The following EXOC6B variants were observed in gnomAD, a reference collection of about 807,000 sequenced individuals.
EXOC6B encodes exocyst complex component 6B, also known as SEC15 homolog B.
Under a neutral mutation model 113.5 loss-of-function variants are expected in EXOC6B, and 54 were observed. That is an observed-to-expected ratio of 0.48 (90% CI 0.38 to 0.60). The LOEUF is 0.60. EXOC6B is among the 20% of genes least tolerant of loss of function. The probability of loss-of-function intolerance (pLI) is 0.00; values close to 1 mark genes in which losing one functional copy is unlikely to be tolerated. For missense variants in EXOC6B, 797 were observed against 977.5 expected (o/e 0.82, Z 2.46); for synonymous variants, 357 against 339.0 (o/e 1.05, Z -0.58).
chr2:72,814,695 A>T (rs1321683499), intron 1 of EXOC6B, among the ~76,000 whole-genome samples: 3 of 152,214 alleles, frequency 2.0e-5, no homozygotes, highest in Non-Finnish European at 4.4e-5. Context: ...CAATTTTTTA[A>T]AAAAATTATA....
At chr2:72,647,809 C>A (rs143114477) in intron 6 of EXOC6B, among the ~76,000 whole-genome samples, 1 of 152,128 alleles carries the variant, frequency 6.6e-6, no homozygotes, top group Non-Finnish European at 1.5e-5. Context: ...AAATGTTAGA[C>A]CTAAAACCAT....
At chr2:72,677,879 G>A (rs956974947) in intron 6 of EXOC6B, among the ~76,000 whole-genome samples, 2 of 152,126 alleles carry the variant, frequency 1.3e-5, no homozygotes, top group Non-Finnish European at 2.9e-5. Context: ...AATCCATGAG[G>A]AAGTTAACTA....
intron 6 of EXOC6B, among the ~76,000 whole-genome samples, chr2:72,687,640 G>C (rs1309944440): frequency 6.6e-6 from 1 of 152,112 alleles, no homozygotes; most frequent in Non-Finnish European, 1.5e-5. Context: ...GGTATCTCTG[G>C]AAGGAAAGGC....
intron 20 of EXOC6B, among the ~76,000 whole-genome samples, chr2:72,313,609 G>C (rs910317388): frequency 5.9e-5 from 9 of 151,992 alleles, no homozygotes; most frequent in Admixed American, 1.3e-4. Context: ...AAAGTTAATG[G>C]CTTCACCTCC....
At chr2:72,395,302 G>A (rs998115915) in intron 18 of EXOC6B, among the ~76,000 whole-genome samples, 2 of 152,072 alleles carry the variant, frequency 1.3e-5, no homozygotes, top group African/African-American at 4.8e-5. Flanking sequence ...ACGCCTGACT[G>A]TCTGCCAGCC....
At chr2:72,372,097 A>G (rs1691060164) in intron 19 of EXOC6B, among the ~76,000 whole-genome samples, 1 of 152,208 alleles carries the variant, frequency 6.6e-6, no homozygotes, top group Admixed American at 6.5e-5. Context: ...GTAAATACCT[A>G]GGAATTTACT....
chr2:72,728,043 C>T (rs575802228), intron 5 of EXOC6B, among the ~76,000 whole-genome samples: 52 of 152,098 alleles, frequency 3.4e-4, no homozygotes, highest in South Asian at 8.3e-4. Flanking sequence ...TTCACAATCA[C>T]GAGAGACTGG....
chr2:72,774,870 C>T (rs1229125595), intron 1 of EXOC6B, among the ~76,000 whole-genome samples: 1 of 152,158 alleles, frequency 6.6e-6, no homozygotes, highest in Admixed American at 6.5e-5. Context: ...TTTGCCCAGC[C>T]AACTACAAAT....
intron 18 of EXOC6B, among the ~76,000 whole-genome samples, chr2:72,404,973 A>T (rs1282894096): frequency 2.0e-5 from 3 of 152,158 alleles, no homozygotes; most frequent in African/African-American, 4.8e-5. Context: ...AAAATAGACG[A>T]ATGGCTAACT....
rs766799356 is a variant in EXOC6B at position 72,498,475 on chromosome 2, T to C, written c.1316A>G (p.Lys439Arg). ...IRDQYSETLL[K>R]KWAGIFRNIL... ...TCACCTGAAAATACCTGCCCACTTCTTTAGCAGAGTTTCACTATATTGGTC... is the reference window on the plus strand; with the variant it reads ...TCACCTGAAAATACCTGCCCACTTCCTTAGCAGAGTTTCACTATATTGGTC... Residue 439 changes from lysine to arginine, a missense_variant, in exon 13 of 22, where the codon AAG becomes AGG. Coordinates refer to ENST00000272427, the MANE Select transcript of EXOC6B (RefSeq NM_015189.3). 1 of 1,610,816 alleles carries C rather than the reference T, an allele frequency of 6.2e-7. No homozygotes were observed. The highest frequency in any genetic ancestry group is 1.7e-5 in the Admixed American group (1 of 59,668).
chr2:72,496,591 A>G, intron 13 of EXOC6B, 32 bp from the exon 14 acceptor site: 1 of 1,393,812 alleles, frequency 7.2e-7, no homozygotes. Flanking sequence ...AAGGGAAGGG[A>G]AGGATAGACA....
chr2:72,758,349 G>T (rs1440647223), intron 1 of EXOC6B, among the ~76,000 whole-genome samples: 1 of 151,712 alleles, frequency 6.6e-6, no homozygotes, highest in South Asian at 2.1e-4. Context: ...TATTATGATG[G>T]AATCTCTGTT....
At chr2:72,645,513 A>G (rs531723424) in intron 6 of EXOC6B, among the ~76,000 whole-genome samples, 6 of 152,324 alleles carry the variant, frequency 3.9e-5, no homozygotes, top group South Asian at 4.1e-4. Context: ...CATAGCATTT[A>G]TTCCAAAATT....
chr2:72,723,293 A>T (rs1367116506), intron 5 of EXOC6B, among the ~76,000 whole-genome samples: 1 of 152,210 alleles, frequency 6.6e-6, no homozygotes, highest in African/African-American at 2.4e-5. Context: ...ATGCAATCAG[A>T]ACTAAAGTAA....
At chr2:72,633,220 G>A (rs1040533259) in intron 6 of EXOC6B, among the ~76,000 whole-genome samples, 8 of 152,180 alleles carry the variant, frequency 5.3e-5, no homozygotes, top group African/African-American at 1.9e-4. Flanking sequence ...ATTCCAAATA[G>A]AGAAGCACAT....
At chr2:72,611,424 A>T (rs1671068432) in intron 6 of EXOC6B, among the ~76,000 whole-genome samples, 1 of 152,060 alleles carries the variant, frequency 6.6e-6, no homozygotes, top group Non-Finnish European at 1.5e-5. Context: ...ACCATTACAG[A>T]CCTAAAGAGA....
chr2:72,338,592 A>G (rs1347246187), intron 19 of EXOC6B, among the ~76,000 whole-genome samples: 2 of 151,366 alleles, frequency 1.3e-5, no homozygotes, highest in African/African-American at 4.9e-5. Flanking sequence ...TGTATAAAAT[A>G]GGTATTTTGT....
rs186299058 is a variant in EXOC6B, at chr2:72,184,032, G to A, written c.2309+43C>T. The A allele has an allele frequency of 1.5e-3, 1,736 of 1,132,226 alleles. 19 individuals are homozygous for A. The African/African-American group carries it at 0.022, about 14-fold the overall frequency. 70.1% of individuals were successfully genotyped at this position (1,132,226 alleles called of 1,614,324 possible). A position where few individuals can be genotyped will look rare whatever the true frequency, so the allele number is the denominator to read the frequency against. On this transcript the variant is annotated intron_variant, in intron 21 of 21. Transcript: ENST00000272427. Reference sequence around the variant, plus strand: ...TCTTCTACGCCAACCCCCAATCCCTGTCTCCCCACCTCCCAACACAGACCA... The same window carrying A: ...TCTTCTACGCCAACCCCCAATCCCTATCTCCCCACCTCCCAACACAGACCA...
At chr2:72,762,382 T>C (rs942739049) in intron 1 of EXOC6B, among the ~76,000 whole-genome samples, 1 of 152,102 alleles carries the variant, frequency 6.6e-6, no homozygotes, top group Admixed American at 6.5e-5. Flanking sequence ...AAAAGGCTTC[T>C]TGGAGTTGCT....
Sources: gnomAD v4.1 joint callset for allele counts (sites outside exome capture counted in the v4.1 genomes callset) on GRCh38, gnomAD v4.1.1 for gene constraint, MANE v1.5 for transcripts, NCBI Gene and HGNC (gene_info 2026-07-23, HGNC 2026-07-21) for gene names.